PDE4D: variants seen among roughly 807,000 people sequenced by gnomAD.
The protein encoded by PDE4D is phosphodiesterase 4D, also known as 3',5'-cyclic-AMP phosphodiesterase 4D.
In PDE4D, 24 loss-of-function variants were observed where a neutral mutation model predicts 87.4. That is an observed-to-expected ratio of 0.27 (90% CI 0.20 to 0.39). PDE4D has a LOEUF of 0.39. Among genes scored for constraint, PDE4D ranks in the 10% least tolerant of loss-of-function variants. PDE4D has a pLI of 1.00. For synonymous variants in PDE4D, 384 were observed against 383.2 expected, an observed-to-expected ratio of 1.00 and a Z score of -0.02; for missense variants, 714 against 1,041.0, an observed-to-expected ratio of 0.69 and a Z score of 4.32.
chr5:59,324,910 A>G (rs144636582), intron 1 of PDE4D, among the ~76,000 whole-genome samples: 1 of 152,312 alleles, frequency 6.6e-6, no homozygotes, highest in East Asian at 1.9e-4. Context: ...TAAGAACTAA[A>G]GAAAACATCT....
chr5:59,620,525 G>A (rs1579913921), intron 1 of PDE4D, among the ~76,000 whole-genome samples: 2 of 152,260 alleles, frequency 1.3e-5, no homozygotes, highest in African/African-American at 4.8e-5. Context: ...AGTTCAGAGT[G>A]TGGCCATGGA....
intron 1 of PDE4D, among the ~76,000 whole-genome samples, chr5:59,298,114 T>C (rs1285261969): frequency 3.4e-5 from 2 of 59,108 alleles, no homozygotes; most frequent in Non-Finnish European, 7.0e-5. Flanking sequence ...CAAGTGAAAC[T>C]TTTTTTTTTT....
At chr5:59,827,779 C>A (rs1770495733) in intron 1 of PDE4D, among the ~76,000 whole-genome samples, 1 of 151,984 alleles carries the variant, frequency 6.6e-6, no homozygotes, top group Admixed American at 6.6e-5. Flanking sequence ...AATTTGATCT[C>A]CACAAAATGC....
intron 1 of PDE4D, among the ~76,000 whole-genome samples, chr5:59,315,313 C>A (rs889334016): frequency 7.9e-5 from 12 of 152,078 alleles, no homozygotes; most frequent in African/African-American, 2.7e-4. Flanking sequence ...TGGCTGGACA[C>A]CAATTCTACC....
chr5:59,899,212 C>G (rs1001010826), intron 3 of PDE4D, among the ~76,000 whole-genome samples: 5 of 152,088 alleles, frequency 3.3e-5, no homozygotes, highest in African/African-American at 1.2e-4. Context: ...GACTAAAGAA[C>G]TGTGCTAGTC....
At chr5:59,557,571 G>A (rs1819171060) in intron 1 of PDE4D, among the ~76,000 whole-genome samples, 1 of 152,012 alleles carries the variant, frequency 6.6e-6, no homozygotes, top group African/African-American at 2.4e-5. Context: ...GTATACTTCA[G>A]AAATAATTTA....
intron 1 of PDE4D, among the ~76,000 whole-genome samples, chr5:59,569,970 G>T (rs904772862): frequency 6.6e-6 from 1 of 152,090 alleles, no homozygotes; most frequent in East Asian, 1.9e-4. Context: ...TCCAAAATAG[G>T]TTCCATATTT....
At chr5:59,901,081 T>C (rs1455868683) in intron 3 of PDE4D, among the ~76,000 whole-genome samples, 2 of 152,192 alleles carry the variant, frequency 1.3e-5, no homozygotes, top group African/African-American at 2.4e-5. Flanking sequence ...AGAAGAATTG[T>C]AGCAGCAACT....
intron 1 of PDE4D, among the ~76,000 whole-genome samples, chr5:59,858,820 G>A (rs910070105): frequency 2.0e-5 from 3 of 152,108 alleles, no homozygotes; most frequent in African/African-American, 7.2e-5. Flanking sequence ...TAGAGAAAAT[G>A]GGTACCAGTC....
chr5:59,623,922 C>T (rs1480623218), intron 1 of PDE4D, among the ~76,000 whole-genome samples: 1 of 152,102 alleles, frequency 6.6e-6, no homozygotes, highest in Admixed American at 6.6e-5. Context: ...CATTTCTGTG[C>T]ATTTATAATG....
rs886903272 is a variant in PDE4D at position 58,976,300 on chromosome 5, C to T, written c.1830+50G>A. 2.5e-6 allele frequency: 4 copies of T among 1,589,210 alleles called. No individual in the cohort carries two copies. In the African/African-American group the frequency reaches 5.4e-5, roughly 21 times the overall value. Reference sequence around the variant, plus strand: ...TCAAAGCTGAACACGCAGACATGTGCACATGTGCACAGACACACACACACA... The same window carrying T: ...TCAAAGCTGAACACGCAGACATGTGTACATGTGCACAGACACACACACACA... On this transcript the variant is annotated intron_variant, in intron 13 of 14. Coordinates refer to ENST00000340635, the MANE Select transcript of PDE4D (RefSeq NM_001104631.2).
intron 1 of PDE4D, among the ~76,000 whole-genome samples, chr5:59,840,376 A>G (rs748638853): frequency 1.2e-4 from 18 of 151,238 alleles, no homozygotes; most frequent in Admixed American, 2.0e-4. Context: ...TTATCATCTG[A>G]TTCCTTTGCT....
intron 3 of PDE4D, among the ~76,000 whole-genome samples, chr5:59,937,848 G>A (rs926941995): frequency 1.3e-5 from 2 of 152,168 alleles, no homozygotes; most frequent in Admixed American, 6.5e-5. Flanking sequence ...AATCATGGCA[G>A]GCTGGCTCAA....
chr5:60,269,265 C>A (rs1750572048), intron 1 of PDE4D, among the ~76,000 whole-genome samples: 1 of 152,196 alleles, frequency 6.6e-6, no homozygotes, highest in African/African-American at 2.4e-5. Context: ...CGAAATCGTG[C>A]CACTGCACTC....
intron 5 of PDE4D, among the ~76,000 whole-genome samples, chr5:59,134,291 C>G (rs1360133736): frequency 6.6e-6 from 1 of 150,884 alleles, no homozygotes; most frequent in Non-Finnish European, 1.5e-5. Context: ...CTTGGATTCT[C>G]TCAGTAGTGG....
intron 5 of PDE4D, among the ~76,000 whole-genome samples, chr5:59,100,013 A>T (rs1245164497): frequency 6.6e-6 from 1 of 152,080 alleles, no homozygotes; most frequent in African/African-American, 2.4e-5. Context: ...TTTCCATAAC[A>T]CCCCTCATAT....
At chr5:59,236,125 T>C (rs528338374) in intron 1 of PDE4D, among the ~76,000 whole-genome samples, 15 of 152,248 alleles carry the variant, frequency 9.9e-5, no homozygotes, top group African/African-American at 3.6e-4. Context: ...GTAGAGAACA[T>C]AGGACCTGAT....
At chr5:60,035,428 A>G (rs1767687825) in intron 2 of PDE4D, among the ~76,000 whole-genome samples, 1 of 152,198 alleles carries the variant, frequency 6.6e-6, no homozygotes, top group Admixed American at 6.5e-5. Context: ...AAAATTCAAA[A>G]GGCTCAAAGA....
intron 1 of PDE4D, among the ~76,000 whole-genome samples, chr5:59,841,892 G>A (rs868520237): frequency 3.3e-5 from 5 of 152,154 alleles, no homozygotes; most frequent in African/African-American, 7.2e-5. Context: ...CTGAAACTCC[G>A]TGTGTGTGCA....
Sources: allele counts gnomAD v4.1 joint callset (sites outside exome capture counted in the v4.1 genomes callset), GRCh38; gene constraint gnomAD v4.1.1; transcripts MANE v1.5; gene names NCBI Gene and HGNC (gene_info 2026-07-23, HGNC 2026-07-21).